The following TBC1D5 variants were observed in gnomAD, a reference collection of about 807,000 sequenced individuals.
The protein encoded by TBC1D5 is TBC1 domain family, member 5.
In TBC1D5, 75 loss-of-function variants were observed where a neutral mutation model predicts 100.3. The observed-to-expected ratio is 0.75, with a 90% CI of 0.62 to 0.91. The LOEUF is 0.91. TBC1D5 is among the 40% of genes least tolerant of loss of function. The pLI is 0.00. For synonymous variants in TBC1D5, 323 were observed against 325.6 expected, an observed-to-expected ratio of 0.99 and a Z score of 0.09; for missense variants, 910 against 942.4, an observed-to-expected ratio of 0.97 and a Z score of 0.45.
intron 2 of TBC1D5, among the ~76,000 whole-genome samples, chr3:17,533,953 G>A (rs2153396459): frequency 6.6e-6 from 1 of 151,266 alleles, no homozygotes; most frequent in East Asian, 1.9e-4. Context: ...CCCTTGTGAA[G>A]TATGTGATTC....
intron 2 of TBC1D5, among the ~76,000 whole-genome samples, chr3:17,597,880 G>A (rs943096282): frequency 4.6e-5 from 7 of 151,974 alleles, no homozygotes; most frequent in African/African-American, 1.2e-4. Flanking sequence ...GTATCTTCCC[G>A]TATTACTCCT....
rs148504213 is a variant in TBC1D5 at position 17,163,939 on chromosome 3, T to C, written c.2095-2683A>G. On this transcript the variant is annotated intron_variant, in intron 21 of 21. Coordinates refer to ENST00000253692, the Ensembl canonical transcript of TBC1D5. ...ACCCAAGTACCAAAAGGGCAAGTGA[T>C]GCGTTGGCTGACTAATAATGGATCC... 4.9e-3 allele frequency among the ~76,000 whole-genome samples: 749 copies of C among 152,340 alleles called. 12 individuals carry two copies. The highest frequency in any genetic ancestry group is 0.017 in the African/African-American group (705 of 41,584).
At chr3:17,726,429 T>C (rs973806039) in intron 1 of TBC1D5, among the ~76,000 whole-genome samples, 13 of 152,232 alleles carry the variant, frequency 8.5e-5, no homozygotes, top group African/African-American at 2.7e-4. Context: ...TGGTATCTCA[T>C]TGTGGGTTTG....
At chr3:17,635,187 ATGTT>A (rs2063803931) in intron 1 of TBC1D5, among the ~76,000 whole-genome samples, 2 of 152,216 alleles carry the variant, frequency 1.3e-5, no homozygotes, top group East Asian at 3.8e-4. Context: ...CAGGTGAAAT[ATGTT>A]TGGAAGAGAA....
intron 3 of TBC1D5, among the ~76,000 whole-genome samples, chr3:17,495,520 T>C (rs2095695031): frequency 6.6e-6 from 1 of 152,234 alleles, no homozygotes; most frequent in African/African-American, 2.4e-5. Flanking sequence ...GCAGATCTTA[T>C]TAATTATGAC....
At chr3:17,256,937 A>T (rs978537637) in intron 16 of TBC1D5, among the ~76,000 whole-genome samples, 5 of 152,030 alleles carry the variant, frequency 3.3e-5, no homozygotes, top group Non-Finnish European at 7.4e-5. Context: ...AGGAGGGAGG[A>T]GTTAGGTGCA....
rs185452298 is a variant in TBC1D5 at position 17,690,061 on chromosome 3, C to A, written c.-101+49282G>T. Among the ~76,000 whole-genome samples, 159 of 151,504 alleles carry A rather than the reference C, an allele frequency of 1.0e-3. 2 individuals are homozygous for A. In the South Asian group the frequency reaches 0.018, roughly 17 times the overall value. On this transcript the variant is annotated intron_variant, in intron 1 of 21. Transcript: ENST00000253692. ...CTTTAATAAGTCATAACATGGCCAACAAAAAAACAGTGGGAAACAAGACTA... is the reference window on the plus strand; with the variant it reads ...CTTTAATAAGTCATAACATGGCCAAAAAAAAAACAGTGGGAAACAAGACTA...
chr3:17,493,215 A>C (rs548688498), intron 3 of TBC1D5, among the ~76,000 whole-genome samples: 1 of 152,156 alleles, frequency 6.6e-6, no homozygotes, highest in East Asian at 1.9e-4. Flanking sequence ...CAGATGTGAA[A>C]TTGTGGGTTG....
At chr3:17,672,835 C>T (rs1014016550) in intron 1 of TBC1D5, among the ~76,000 whole-genome samples, 2 of 151,980 alleles carry the variant, frequency 1.3e-5, no homozygotes, top group African/African-American at 2.4e-5. Context: ...GCAGCTTGTC[C>T]GTGTGCTGAA....
At chr3:17,476,931 ATAGG>A (rs1234207209) in intron 3 of TBC1D5, among the ~76,000 whole-genome samples, 3 of 152,020 alleles carry the variant, frequency 2.0e-5, no homozygotes, top group African/African-American at 7.2e-5. Context: ...AACAAGGAAT[ATAGG>A]TAAACTAAAT....
chr3:17,329,553 A>C (rs1248270428), intron 13 of TBC1D5, among the ~76,000 whole-genome samples: 1 of 152,244 alleles, frequency 6.6e-6, no homozygotes, highest in Non-Finnish European at 1.5e-5. Context: ...AAATTATAAC[A>C]ACTTTCAAAA....
At chr3:17,626,620 A>T (rs894493506) in intron 1 of TBC1D5, among the ~76,000 whole-genome samples, 2 of 152,204 alleles carry the variant, frequency 1.3e-5, no homozygotes, top group Non-Finnish European at 2.9e-5. Flanking sequence ...ATCACAGTAG[A>T]ACCATTGCAG....
chr3:17,584,165 A>C (rs1412841254), intron 2 of TBC1D5, among the ~76,000 whole-genome samples: 1 of 152,228 alleles, frequency 6.6e-6, no homozygotes, highest in African/African-American at 2.4e-5. Context: ...ACGCAGATTG[A>C]TCGATGTCAG....
intron 2 of TBC1D5, among the ~76,000 whole-genome samples, chr3:17,559,384 G>A (rs2153470321): frequency 6.6e-6 from 1 of 151,824 alleles, no homozygotes; most frequent in East Asian, 2.0e-4. Flanking sequence ...CAAGTCATCT[G>A]CCCACCTCGG....
intron 21 of TBC1D5, among the ~76,000 whole-genome samples, chr3:17,166,434 G>A (rs911420925): frequency 3.3e-5 from 5 of 152,220 alleles, no homozygotes; most frequent in African/African-American, 4.8e-5. Flanking sequence ...GGCATCAGCT[G>A]GAGGCAACTG....
In TBC1D5 at chr3:17,431,721, A is replaced by G. The variant is rs182843154; in HGVS notation, c.98-3202T>C. Among the ~76,000 whole-genome samples, 155 of 152,196 alleles carry G rather than the reference A, an allele frequency of 1.0e-3. 2 individuals carry two copies. The South Asian group carries it at 0.018, about 18-fold the overall frequency. ...GATAGTTACATTGGCTTAAATTATA[A>G]GAAAATGCATAATATTGCTTAATAG... On this transcript the variant is annotated intron_variant, in intron 3 of 21. Coordinates refer to ENST00000253692, the Ensembl canonical transcript of TBC1D5.
At chr3:17,187,487 GC>G in intron 18 of TBC1D5, among the ~76,000 whole-genome samples, 1 of 152,294 alleles carries the variant, frequency 6.6e-6, no homozygotes, top group Non-Finnish European at 1.5e-5. Context: ...GCTGAAGCCA[GC>G]CCAGTAAGTG....
chr3:17,618,110 T>C (rs1220738386), intron 2 of TBC1D5, among the ~76,000 whole-genome samples: 1 of 151,632 alleles, frequency 6.6e-6, no homozygotes, highest in Non-Finnish European at 1.5e-5. Context: ...TTGTTGGTGT[T>C]GATGCTATTC....
chr3:17,740,392 T>G (rs2154007133), exon 1 of TBC1D5: 1 of 151,662 alleles, frequency 6.6e-6, no homozygotes, highest in Admixed American at 6.6e-5. Flanking sequence ...CGGCACTCAG[T>G]AAGCGCTTCA....
Sources: allele counts gnomAD v4.1 joint callset (sites outside exome capture counted in the v4.1 genomes callset), GRCh38; gene constraint gnomAD v4.1.1; transcripts MANE v1.5; gene names NCBI Gene and HGNC (gene_info 2026-07-23, HGNC 2026-07-21).